POLA1: variants seen among roughly 807,000 people sequenced by gnomAD.
POLA1 encodes the protein DNA polymerase alpha 1, catalytic subunit, also known as DNA polymerase alpha catalytic subunit.
POLA1 carries 15 observed loss-of-function variants against 124.0 expected under a neutral mutation model. That is an observed-to-expected ratio of 0.12 (90% CI 0.08 to 0.19). The LOEUF is 0.19. POLA1 is among the 10% of genes least tolerant of loss of function. The pLI is 1.00. For synonymous variants in POLA1, 408 were observed against 389.4 expected (o/e 1.05, Z -0.56); for missense variants, 886 against 1,103.4 (o/e 0.80, Z 2.79).
chrX:24,801,950 T>G (rs1243474179), intron 26 of POLA1, among the ~76,000 whole-genome samples: 1 of 104,739 alleles, frequency 9.5e-6, no homozygotes, highest in African/African-American at 3.5e-5. Flanking sequence ...TGTGTGTGTG[T>G]GTGTGTGTGT....
intron 26 of POLA1, among the ~76,000 whole-genome samples, chrX:24,763,904 A>G (rs1230801999): frequency 9.0e-6 from 1 of 111,524 alleles, no homozygotes; most frequent in Non-Finnish European, 1.9e-5. Context: ...AGGCACAAGG[A>G]AGTTACTTGT....
chrX:24,806,334 G>A (rs759477398), intron 26 of POLA1, among the ~76,000 whole-genome samples: 28 of 109,252 alleles, frequency 2.6e-4, no homozygotes, highest in African/African-American at 9.0e-4. Context: ...AGCTCCCTGA[G>A]TAGATAACAT....
intron 20 of POLA1, 90 bp downstream of exon 20, chrX:24,739,640 A>G (rs1931515236): frequency 1.9e-6 from 1 of 539,219 alleles, no homozygotes; most frequent in Admixed American, 4.5e-5. Context: ...GAGGGACATG[A>G]GCCAGTGGTG....
At chrX:24,893,831 A>T (rs1362941981) in intron 35 of POLA1, among the ~76,000 whole-genome samples, 1 of 111,611 alleles carries the variant, frequency 9.0e-6, no homozygotes, top group East Asian at 2.8e-4. Context: ...TACACTTTTA[A>T]AGTTTATTTT....
At chrX:24,980,588 GT>G (rs746230781) in intron 36 of POLA1, among the ~76,000 whole-genome samples, 1 of 110,937 alleles carries the variant, frequency 9.0e-6, no homozygotes, top group Non-Finnish European at 1.9e-5. Flanking sequence ...TCATTCCATA[GT>G]TTTGACAGTT....
At position 24,882,684 on chromosome X, in the gene POLA1, GGTGTGTGTGTGTGTGTGTGTGTGT is replaced by G. The variant is rs57530564; in HGVS notation, c.4048-5301_4048-5278del. Among the ~76,000 whole-genome samples the G allele has an allele frequency of 7.5e-4, 66 of 87,612 alleles. 1 individual carries two copies. The highest frequency in any genetic ancestry group is 2.7e-3 in the African/African-American group (63 of 23,363). 76.1% of individuals were successfully genotyped at this position (87,612 alleles called of 115,157 possible). A position where few individuals can be genotyped will look rare whatever the true frequency, so the allele number is the denominator to read the frequency against. ...TATGGCTGCATACTATATATTCCATGGTGTGTGTGTGTGTGTGTGTGTGTGTGTGTGTGTGTGTGTGTGTATCAC... is the reference window on the plus strand; with the variant it reads ...TATGGCTGCATACTATATATTCCATGGTGTGTGTGTGTGTGTGTGTATCAC... On this transcript the variant is annotated intron_variant, in intron 34 of 36. Coordinates refer to ENST00000379068, the MANE Select transcript of POLA1 (RefSeq NM_001330360.2).
At chrX:24,984,435 T>G (rs776172862) in intron 36 of POLA1, among the ~76,000 whole-genome samples, 4 of 111,603 alleles carry the variant, frequency 3.6e-5, no homozygotes, top group Middle Eastern at 4.6e-3. Flanking sequence ...AGGAACAAAC[T>G]GAAATAAGGA....
chrX:24,789,882 T>G (rs1024039264), intron 26 of POLA1, among the ~76,000 whole-genome samples: 2 of 111,069 alleles, frequency 1.8e-5, no homozygotes, highest in African/African-American at 6.6e-5. Flanking sequence ...TAATTTACAT[T>G]TAAAGCTGAA....
chrX:24,982,290 A>T (rs1415911408), intron 36 of POLA1, among the ~76,000 whole-genome samples: 2 of 111,370 alleles, frequency 1.8e-5, no homozygotes, highest in Non-Finnish European at 3.8e-5. Flanking sequence ...CAGTTAGTCA[A>T]GTTAAATCCA....
At chrX:24,741,243 T>C (rs1931638860) in intron 20 of POLA1, 132 bp from the exon 21 acceptor site, 1 of 443,872 alleles carries the variant, frequency 2.3e-6, no homozygotes, top group Non-Finnish European at 3.8e-6. Context: ...TTAAATTGTT[T>C]CTGAAGCCAA....
intron 4 of POLA1, among the ~76,000 whole-genome samples, chrX:24,705,683 C>T (rs1928752779): frequency 9.0e-6 from 1 of 110,603 alleles, no homozygotes; most frequent in Non-Finnish European, 1.9e-5. Flanking sequence ...TAGTGTAGAA[C>T]AGCAACACCT....
At chrX:24,882,120 T>G (rs996741473) in intron 34 of POLA1, among the ~76,000 whole-genome samples, 1 of 110,510 alleles carries the variant, frequency 9.0e-6, no homozygotes, top group African/African-American at 3.3e-5. Context: ...TTGATGAGGT[T>G]GGTGGTAATG....
intron 35 of POLA1, among the ~76,000 whole-genome samples, chrX:24,915,884 T>C (rs1327175954): frequency 1.8e-5 from 2 of 111,936 alleles, no homozygotes; most frequent in Non-Finnish European, 3.8e-5. Context: ...CTCAGAGTAA[T>C]TGAGTGCCAC....
intron 26 of POLA1, among the ~76,000 whole-genome samples, chrX:24,784,059 C>CTTTTTTTTTTTTTTTTT (rs11295214): frequency 1.7e-5 from 1 of 59,509 alleles, no homozygotes; most frequent in Non-Finnish European, 3.0e-5. Flanking sequence ...ATTTATATTT[C>CTTTTTTTTTTTTTTTTT]TTTTTTTTTT....
intron 35 of POLA1, among the ~76,000 whole-genome samples, chrX:24,892,731 T>C (rs778677304): frequency 1.2e-4 from 14 of 112,455 alleles, no homozygotes; most frequent in Non-Finnish European, 1.9e-4. Context: ...AAAATGTCTG[T>C]ATGTGACTCT....
intron 35 of POLA1, among the ~76,000 whole-genome samples, chrX:24,924,681 A>G (rs2047664989): frequency 8.9e-6 from 1 of 111,868 alleles, no homozygotes; most frequent in African/African-American, 3.3e-5. Flanking sequence ...ATGGAGGCAC[A>G]AACGGCTTCC....
chrX:24,735,507 ATGT>A lies in POLA1; in HGVS notation c.1923+23_1923+25del, dbSNP rs756592180. The A allele has an allele frequency of 2.1e-6, 2 of 941,229 alleles. No homozygotes were observed. The highest frequency in any genetic ancestry group is 2.0e-5 in the South Asian group (1 of 50,362). 77.6% of individuals were successfully genotyped at this position (941,229 alleles called of 1,213,427 possible). A position where few individuals can be genotyped will look rare whatever the true frequency, so the allele number is the denominator to read the frequency against. ...CATTGTGGTGAGTAGATGTTTGATC[ATGT>A]TGTGGGGAAGCTCTTCATTTCTTAG... On this transcript the variant is annotated intron_variant, in intron 18 of 36. Coordinates refer to ENST00000379068, the MANE Select transcript of POLA1 (RefSeq NM_001330360.2).
chrX:24,890,830 T>C (rs975635374), intron 35 of POLA1, among the ~76,000 whole-genome samples: 1 of 112,752 alleles, frequency 8.9e-6, no homozygotes, highest in Admixed American at 9.3e-5. Context: ...CATTCTTGTC[T>C]CAAGACTTGC....
At chrX:24,796,072 C>G (rs1234912359) in intron 26 of POLA1, among the ~76,000 whole-genome samples, 1 of 110,950 alleles carries the variant, frequency 9.0e-6, no homozygotes, top group Non-Finnish European at 1.9e-5. Context: ...CCCCACCTCT[C>G]TCCTCCTCTC....
Sources: gnomAD v4.1 joint callset for allele counts (sites outside exome capture counted in the v4.1 genomes callset) on GRCh38, gnomAD v4.1.1 for gene constraint, MANE v1.5 for transcripts, NCBI Gene and HGNC (gene_info 2026-07-23, HGNC 2026-07-21) for gene names.